OPHN1: variants seen among roughly 807,000 people sequenced by gnomAD.
OPHN1 encodes the protein oligophrenin-1.
Under a neutral mutation model 60.7 loss-of-function variants are expected in OPHN1, and 11 were observed. The observed-to-expected ratio is 0.18, with a 90% CI of 0.11 to 0.30. OPHN1 has a LOEUF of 0.30. Among genes scored for constraint, OPHN1 ranks in the 10% least tolerant of loss-of-function variants. The probability of loss-of-function intolerance (pLI) is 1.00; values close to 1 mark genes in which losing one functional copy is unlikely to be tolerated. For synonymous variants in OPHN1, 226 were observed against 222.6 expected (o/e 1.02, Z -0.14); for missense variants, 449 against 611.0 (o/e 0.73, Z 2.80).
At chrX:68,356,846 G>A (rs998972838) in intron 2 of OPHN1, among the ~76,000 whole-genome samples, 2 of 111,318 alleles carry the variant, frequency 1.8e-5, no homozygotes, top group African/African-American at 6.5e-5. Flanking sequence ...GGATGAACCT[G>A]GTAAACATTA....
chrX:68,257,160 A>C (rs2147558994), intron 5 of OPHN1, among the ~76,000 whole-genome samples: 1 of 112,546 alleles, frequency 8.9e-6, no homozygotes, highest in African/African-American at 3.2e-5. Context: ...GACTCATTTT[A>C]TTGCACTATT....
chrX:68,247,652 C>T (rs1170840514), intron 5 of OPHN1, among the ~76,000 whole-genome samples: 1 of 109,785 alleles, frequency 9.1e-6, no homozygotes, highest in African/African-American at 3.3e-5. Flanking sequence ...AGCGCAGTGG[C>T]TCATGCCTGT....
At chrX:68,203,734 T>C (rs5965515) in intron 10 of OPHN1, among the ~76,000 whole-genome samples, 11,793 of 111,707 alleles carry the variant, frequency 0.11, 1,537 homozygotes, top group African/African-American at 0.37. Context: ...TTATTTCACA[T>C]ACATATCATG....
intron 15 of OPHN1, among the ~76,000 whole-genome samples, chrX:68,139,228 C>A (rs1299092504): frequency 9.0e-6 from 1 of 111,306 alleles, no homozygotes; most frequent in East Asian, 2.8e-4. Flanking sequence ...ATTCAAACAA[C>A]CAAACTGTAA....
chrX:68,052,701 C>CAAAGG, intron 22 of OPHN1, 111 bp from the exon 23 acceptor site: 2 of 695,015 alleles, frequency 2.9e-6, no homozygotes, highest in Non-Finnish European at 4.5e-6. Flanking sequence ...CCAATGCCAG[C>CAAAGG]CCCTGCCTTT....
At chrX:68,379,533 T>G (rs1381301684) in intron 2 of OPHN1, among the ~76,000 whole-genome samples, 1 of 104,700 alleles carries the variant, frequency 9.6e-6, no homozygotes, top group Non-Finnish European at 1.9e-5. Context: ...TGCTTCCAGT[T>G]TTTGCCCATT....
At chrX:68,351,617 T>C (rs1345313227) in intron 2 of OPHN1, among the ~76,000 whole-genome samples, 1 of 111,828 alleles carries the variant, frequency 8.9e-6, no homozygotes, top group African/African-American at 3.2e-5. Context: ...CTGTGGTTGC[T>C]TCATCTCTCC....
chrX:68,328,241 G>A (rs12394024), intron 2 of OPHN1, among the ~76,000 whole-genome samples: 5,800 of 106,312 alleles, frequency 0.055, 429 homozygotes, highest in African/African-American at 0.19. Flanking sequence ...CTATTCTCCT[G>A]CCTCAGCCTC....
intron 2 of OPHN1, among the ~76,000 whole-genome samples, chrX:68,382,703 T>C (rs755646023): frequency 8.9e-6 from 1 of 111,848 alleles, no homozygotes; most frequent in Non-Finnish European, 1.9e-5. Flanking sequence ...GTGGTGATGG[T>C]TGCACAACTC....
At chrX:68,086,171 ACT>A (rs773446551) in intron 19 of OPHN1, among the ~76,000 whole-genome samples, 10 of 57,482 alleles carry the variant, frequency 1.7e-4, no homozygotes, top group Non-Finnish European at 3.1e-4. Flanking sequence ...AGAAGTGGAG[ACT>A]CTGTCTCCAA....
chrX:68,185,090 T>C (rs1470905669), intron 15 of OPHN1, among the ~76,000 whole-genome samples: 1 of 112,698 alleles, frequency 8.9e-6, no homozygotes, highest in African/African-American at 3.2e-5. Flanking sequence ...TTGAGAAATA[T>C]GGCTTCCCAT....
chrX:68,214,944 C>G (rs1415218003), intron 6 of OPHN1, among the ~76,000 whole-genome samples: 3 of 111,686 alleles, frequency 2.7e-5, no homozygotes, highest in South Asian at 3.7e-4. Context: ...CTGCAGTGAG[C>G]CGAGATCGTG....
intron 2 of OPHN1, among the ~76,000 whole-genome samples, chrX:68,344,449 A>C (rs2078369403): frequency 9.0e-6 from 1 of 110,643 alleles, no homozygotes; most frequent in African/African-American, 3.3e-5. Flanking sequence ...CCACCTTTAC[A>C]AAAATTACAA....
At chrX:68,359,855 CAAAAAAAAAAAA>C (rs1186524030) in intron 2 of OPHN1, among the ~76,000 whole-genome samples, 1 of 19,225 alleles carries the variant, frequency 5.2e-5, no homozygotes. Context: ...GACTCCGTCT[CAAAAAAAAAAAA>C]AAAAAAAAAA....
intron 2 of OPHN1, among the ~76,000 whole-genome samples, chrX:68,381,742 G>A (rs887770369): frequency 9.0e-6 from 1 of 111,164 alleles, no homozygotes; most frequent in Non-Finnish European, 1.9e-5. Flanking sequence ...GGCTCTACAA[G>A]GTGGACCAGC....
intron 19 of OPHN1, among the ~76,000 whole-genome samples, chrX:68,090,019 T>G (rs1236383185): frequency 1.8e-5 from 2 of 112,260 alleles, no homozygotes; most frequent in Admixed American, 1.9e-4. Flanking sequence ...TTCTCCAGAT[T>G]CAATTGAGAA....
At chrX:68,268,719 T>C (rs1384694717) in intron 5 of OPHN1, among the ~76,000 whole-genome samples, 3 of 111,311 alleles carry the variant, frequency 2.7e-5, no homozygotes, top group Non-Finnish European at 5.7e-5. Context: ...CTATTCAACA[T>C]AGTTTTGGAA....
chrX:68,182,717 C>G (rs1434241992), intron 15 of OPHN1, among the ~76,000 whole-genome samples: 2 of 111,479 alleles, frequency 1.8e-5, no homozygotes, highest in African/African-American at 6.5e-5. Context: ...TCCAGACCAG[C>G]CTGGCCAGCA....
intron 5 of OPHN1, among the ~76,000 whole-genome samples, chrX:68,236,125 T>C (rs1369307637): frequency 9.0e-6 from 1 of 111,035 alleles, no homozygotes; most frequent in African/African-American, 3.3e-5. Context: ...TGGAATAACA[T>C]TCATGGGGCT....
Sources: allele counts gnomAD v4.1 joint callset (sites outside exome capture counted in the v4.1 genomes callset), GRCh38; gene constraint gnomAD v4.1.1; transcripts MANE v1.5; gene names NCBI Gene and HGNC (gene_info 2026-07-23, HGNC 2026-07-21).